ZNF536: variants seen among roughly 807,000 people sequenced by gnomAD.
ZNF536 encodes the protein zinc finger protein 536.
In ZNF536, 13 loss-of-function variants were observed where a neutral mutation model predicts 84.5. The ratio of observed to expected loss-of-function variants is 0.15; its 90% CI spans 0.10 to 0.24. The LOEUF (loss-of-function observed/expected upper bound fraction) is 0.24. ZNF536 is among the 10% of genes least tolerant of loss of function. The probability of loss-of-function intolerance (pLI) is 1.00; values close to 1 mark genes in which losing one functional copy is unlikely to be tolerated. For synonymous variants in ZNF536, 811 were observed against 742.5 expected, an observed-to-expected ratio of 1.09 and a Z score of -1.50; for missense variants, 1,536 against 1,747.5, an observed-to-expected ratio of 0.88 and a Z score of 2.16.
At chr19:30,397,195 G>A (rs561341363) in intron 1 of ZNF536, among the ~76,000 whole-genome samples, 8 of 152,268 alleles carry the variant, frequency 5.3e-5, no homozygotes, top group Middle Eastern at 3.4e-3. Context: ...CTCATGATTC[G>A]TTAACAGATG....
At chr19:30,356,811 G>A (rs1031999240) in intron 3 of ZNF536, among the ~76,000 whole-genome samples, 10 of 152,244 alleles carry the variant, frequency 6.6e-5, no homozygotes, top group African/African-American at 2.4e-4. Flanking sequence ...GTAGTAGATA[G>A]TATGATTCAT....
rs771396340 is a variant in ZNF536 at position 30,255,959 on chromosome 19, T to TG, written c.-190+27292dup. On this transcript the variant is annotated intron_variant, in intron 1 of 5. Coordinates refer to the ZNF536 transcript ENST00000585628. ...TGATTAGCATGGAGAGGCATTGGGC[T>TG]GGGGGGAGAGTGCTGGACCCCAGGA... Among the ~76,000 whole-genome samples the TG allele has an allele frequency of 7.9e-5, 12 of 152,292 alleles. No individual in the cohort carries two copies. In the East Asian group the frequency reaches 2.3e-3, roughly 29 times the overall value.
intron 2 of ZNF536, among the ~76,000 whole-genome samples, chr19:30,459,318 T>TTTTC (rs993168582): frequency 1.5e-4 from 22 of 151,046 alleles, no homozygotes; most frequent in Admixed American, 2.0e-4. Flanking sequence ...TTTCCTTTCC[T>TTTTC]TTTCTTTCTT....
rs114848365 is a variant in ZNF536 at position 30,432,458 on chromosome 19, C to T, written c.-2-11103C>T. ...AAATCCAGGAAGGTTTCCTGGAGCA[C>T]GTGAAGCCAGGATGTAGCATGGAGG... On this transcript the variant is annotated intron_variant, in intron 1 of 4. Coordinates refer to ENST00000355537, the MANE Select transcript of ZNF536 (RefSeq NM_014717.3). Among the ~76,000 whole-genome samples, 1,208 of 152,132 alleles carry T rather than the reference C, an allele frequency of 7.9e-3. 7 individuals are homozygous for T. The highest frequency in any genetic ancestry group is 0.027 in the African/African-American group (1,106 of 41,494).
intron 2 of ZNF536, among the ~76,000 whole-genome samples, chr19:30,524,124 AATAG>A (rs1430781891): frequency 5.9e-5 from 9 of 152,154 alleles, no homozygotes; most frequent in Non-Finnish European, 1.3e-4. Context: ...ATGCCGCCCT[AATAG>A]ATTATTTAAA....
chr19:30,255,799 C>T lies in ZNF536; in HGVS notation c.-190+27126C>T, dbSNP rs572833674. Among the ~76,000 whole-genome samples the T allele has an allele frequency of 2.0e-5, 3 of 152,334 alleles. No individual in the cohort carries two copies. In the South Asian group the frequency reaches 6.2e-4, roughly 32 times the overall value. Reference sequence around the variant, plus strand: ...ATTGTAGGGTGCAGGTCTTCGTCTGCATAGACCCCGTCATGGGAGAATATG... The same window carrying T: ...ATTGTAGGGTGCAGGTCTTCGTCTGTATAGACCCCGTCATGGGAGAATATG... On this transcript the variant is annotated intron_variant, in intron 1 of 5. Coordinates refer to the ZNF536 transcript ENST00000585628.
At chr19:30,465,850 A>C (rs1024795465) in intron 2 of ZNF536, among the ~76,000 whole-genome samples, 9 of 152,088 alleles carry the variant, frequency 5.9e-5, no homozygotes, top group Non-Finnish European at 1.2e-4. Flanking sequence ...TCCCAGGTTC[A>C]TGCCATTCTC....
chr19:30,682,152 C>G (rs553517170), intron 1 of ZNF536, among the ~76,000 whole-genome samples: 197 of 152,160 alleles, frequency 1.3e-3, no homozygotes, highest in Non-Finnish European at 2.3e-3. Context: ...ATCTCCAAAC[C>G]AAGGAGCTCA....
intron 1 of ZNF536, among the ~76,000 whole-genome samples, chr19:30,636,820 C>G (rs781740753): frequency 6.6e-6 from 1 of 152,186 alleles, no homozygotes; most frequent in Non-Finnish European, 1.5e-5. Flanking sequence ...GGGACGGGGG[C>G]AGGCCGTGTC....
chr19:30,650,688 A>T (rs796277674), intron 1 of ZNF536, among the ~76,000 whole-genome samples: 5 of 152,302 alleles, frequency 3.3e-5, no homozygotes, highest in East Asian at 1.9e-4. Context: ...GTTTCATCTT[A>T]AAAAATACTG....
chr19:30,229,236 A>C (rs181939671), intron 1 of ZNF536, among the ~76,000 whole-genome samples: 1 of 152,082 alleles, frequency 6.6e-6, no homozygotes, highest in Non-Finnish European at 1.5e-5. Flanking sequence ...AGCATCATTT[A>C]TTTCTTTTGC....
Position 30,492,046 on chromosome 19 carries a change from A to G in ZNF536, c.2171-42801A>G, listed in dbSNP as rs908409701. Among the ~76,000 whole-genome samples the G allele has an allele frequency of 2.1e-5, 3 of 143,582 alleles. No homozygotes were observed. The Admixed American group carries it at 2.1e-4, about 10-fold the overall frequency. 94.2% of individuals were successfully genotyped at this position (143,582 alleles called of 152,430 possible). The stretch of plus-strand genomic sequence containing the variant: ...TTCCTTTGCCTGGCTCACTAACTGG[A>G]TATATGTACATAGGCGATGGGCACA... On this transcript the variant is annotated intron_variant, in intron 2 of 4. Coordinates refer to ENST00000355537, the MANE Select transcript of ZNF536 (RefSeq NM_014717.3).
chr19:30,435,454 G>T (rs574720785), intron 1 of ZNF536, among the ~76,000 whole-genome samples: 1 of 151,616 alleles, frequency 6.6e-6, no homozygotes, highest in African/African-American at 2.4e-5. Flanking sequence ...GAAGATGATG[G>T]TGATGGTAGT....
chr19:30,593,778 AG>A (rs2047352253), intron 1 of ZNF536, among the ~76,000 whole-genome samples: 2 of 152,218 alleles, frequency 1.3e-5, no homozygotes, highest in South Asian at 4.1e-4. Context: ...GAGACCTCCA[AG>A]GTATCAAGGC....
chr19:30,628,423 G>A (rs2048765804), intron 1 of ZNF536, among the ~76,000 whole-genome samples: 1 of 129,474 alleles, frequency 7.7e-6, no homozygotes, highest in Non-Finnish European at 1.6e-5. Flanking sequence ...AGCTCATCCA[G>A]TAGTCACTTT....
intron 1 of ZNF536, among the ~76,000 whole-genome samples, chr19:30,629,998 G>T (rs1317065735): frequency 1.3e-5 from 2 of 152,224 alleles, no homozygotes; most frequent in African/African-American, 2.4e-5. Flanking sequence ...GCCAGGGAGG[G>T]CATTGGGCAC....
At chr19:30,711,435 A>C (rs1448842116) in exon 2 of ZNF536, 1 of 152,200 alleles carries the variant, frequency 6.6e-6, no homozygotes, top group Non-Finnish European at 1.5e-5. Flanking sequence ...ATAATCTGAC[A>C]CCAGCTGCTG....
chr19:30,339,111 C>T (rs1369718306), intron 2 of ZNF536, among the ~76,000 whole-genome samples: 4 of 152,224 alleles, frequency 2.6e-5, no homozygotes. Flanking sequence ...GCATGTGCCG[C>T]CGCCTCCTTT....
At chr19:30,537,148 G>A (rs2045118805) in intron 3 of ZNF536, among the ~76,000 whole-genome samples, 2 of 152,234 alleles carry the variant, frequency 1.3e-5, no homozygotes, top group African/African-American at 4.8e-5. Context: ...AACAGAGCCT[G>A]GCCCAGGTAG....
Sources: allele counts gnomAD v4.1 joint callset (sites outside exome capture counted in the v4.1 genomes callset), GRCh38; gene constraint gnomAD v4.1.1; transcripts MANE v1.5; gene names NCBI Gene and HGNC (gene_info 2026-07-23, HGNC 2026-07-21).